The following TAP1 variants were observed in gnomAD, a reference collection of about 807,000 sequenced individuals.
TAP1 encodes the protein transporter 1, ATP binding cassette subfamily B member, also known as antigen peptide transporter 1.
Under a neutral mutation model 79.3 loss-of-function variants are expected in TAP1, and 56 were observed. That is an observed-to-expected ratio of 0.71 (90% CI 0.57 to 0.88). TAP1 has a LOEUF of 0.88. TAP1 is among the 40% of genes least tolerant of loss of function. The pLI, the probability that TAP1 is intolerant of heterozygous loss-of-function variation, is 0.00. For missense variants in TAP1, 737 were observed against 936.3 expected (o/e 0.79, Z 2.78); for synonymous variants, 355 against 401.4 (o/e 0.88, Z 1.38).
At chr6:32,849,880 A>C (rs1181616368) in intron 5 of TAP1, 2 of 217,956 alleles carry the variant, frequency 9.2e-6, no homozygotes, top group Non-Finnish European at 1.9e-5. Context: ...TCAAGCCAGG[A>C]TCTTCGGATC....
intron 10 of TAP1, 76 bp downstream of exon 10, chr6:32,846,992 T>C (rs1770461825): frequency 6.3e-7 from 1 of 1,594,612 alleles, no homozygotes; most frequent in Non-Finnish European, 8.5e-7. Context: ...ATTATGATGT[T>C]AGTAAAACTA....
chr6:32,849,216 T>C lies in TAP1; in HGVS notation c.1249-98A>G. On this transcript the variant is annotated intron_variant, in intron 5 of 10. Transcript: ENST00000354258. ...ACCTGAAGGAAATATCAAGTCCCTG[T>C]CTCCTAAGTGACATCGGCAGGCTCA... is the stretch of plus-strand genomic sequence containing the variant. 2.0e-6 allele frequency: 3 copies of C among 1,478,916 alleles called. No individual in the cohort carries two copies. In the South Asian group the frequency reaches 3.6e-5, roughly 18 times the overall value. 91.6% of individuals were successfully genotyped at this position (1,478,916 alleles called of 1,614,324 possible).
Position 32,851,148 on chromosome 6 carries a change from AC to A in TAP1, c.845del (p.Gly282ValfsTer7). 1.9e-6 allele frequency: 3 copies of A among 1,612,854 alleles called. No individual in the cohort carries two copies. The highest frequency in any genetic ancestry group is 2.2e-5 in the East Asian group (1 of 44,880). ...CCTCTGTTACCCGAGACATGATGTT[AC>A]CTGCAGGGTTGGGGAGAAGAGAGTG... ...ETEFFQQNQTGNIMSRVTEDT... is the reference protein window; with the variant it reads ...ETEFFQQNQTXNIMSRVTEDT... On this transcript the variant is annotated frameshift_variant and splice_region_variant, in exon 4 of 11. Transcript: ENST00000354258. LOFTEE classifies it high-confidence loss of function. This position sits in a 1 kb window ranked among gnomAD's most constrained non-coding sequence, Gnocchi z 4.8.
Position 32,853,652 on chromosome 6 carries a change from G to A in TAP1, c.-16C>T. 6.2e-7 allele frequency: 1 copy of A among 1,603,804 alleles called. No homozygotes were observed. Among genetic ancestry groups the A allele is most frequent in the Non-Finnish European group, 8.5e-7 (1 of 1,176,748 alleles). ...AGCTAGCCATTGGCACTCGGACGCC[G>A]TCCCGGTCCCGGCCGGGCCTGGGAC... On this transcript the variant is annotated 5_prime_UTR_variant, in exon 1 of 11. In the 5' UTR this introduces an upstream ATG that the reference lacks. Coordinates refer to ENST00000354258, the MANE Select transcript of TAP1 (RefSeq NM_000593.6). The surrounding 1 kb of genome is among the most constrained non-coding windows in gnomAD (Gnocchi z 8.3).
chr6:32,847,331 G>C lies in TAP1; in HGVS notation c.1904-127C>G, dbSNP rs1389396892. ...AGATCTGACGGTTGTAGCTGGATAG[G>C]GGAGATTCTGGGAAGATGAACAGAA... On this transcript the variant is annotated intron_variant, in intron 9 of 10. Coordinates refer to ENST00000354258, the MANE Select transcript of TAP1 (RefSeq NM_000593.6). This position sits in a 1 kb window ranked among gnomAD's most constrained non-coding sequence, Gnocchi z 4.7. The C allele has an allele frequency of 4.0e-6, 6 of 1,503,372 alleles. No individual in the cohort carries two copies. Among genetic ancestry groups the C allele is most frequent in the Non-Finnish European group, 5.5e-6 (6 of 1,096,102 alleles). 93.1% of individuals were successfully genotyped at this position (1,503,372 alleles called of 1,614,324 possible).
At chr6:32,848,392 C>T (rs1007400006) in intron 7 of TAP1, among the ~76,000 whole-genome samples, 7 of 152,180 alleles carry the variant, frequency 4.6e-5, no homozygotes, top group African/African-American at 1.4e-4. Context: ...GATGGAAGAC[C>T]GAAGACACAG....
Position 32,850,310 on chromosome 6 carries a change from A to C in TAP1, c.1248+10T>G, listed in dbSNP as rs372049149. ...GACAAGGGAATGGGTATTCATCTTC[A>C]GGTGCTCACACTAGTGGTCCAGGAG... On this transcript the variant is annotated intron_variant, in intron 5 of 10. Transcript: ENST00000354258. The surrounding 1 kb of genome is among the most constrained non-coding windows in gnomAD (Gnocchi z 5.5). The C allele has an allele frequency of 3.1e-6, 5 of 1,613,832 alleles. No individual in the cohort carries two copies. Among genetic ancestry groups the C allele is most frequent in the Non-Finnish European group, 4.2e-6 (5 of 1,179,766 alleles).
At position 32,847,803 on chromosome 6, in the gene TAP1, C is replaced by A. The variant is rs1257473562; in HGVS notation, c.1740+116G>T. The A allele has an allele frequency of 6.4e-7, 1 of 1,563,982 alleles. No individual in the cohort carries two copies. Among genetic ancestry groups the A allele is most frequent in the Non-Finnish European group, 8.8e-7 (1 of 1,136,872 alleles). On this transcript the variant is annotated intron_variant, in intron 8 of 10. Coordinates refer to ENST00000354258, the MANE Select transcript of TAP1 (RefSeq NM_000593.6). The surrounding 1 kb of genome is among the most constrained non-coding windows in gnomAD (Gnocchi z 4.7). Reference sequence around the variant, plus strand: ...CATACTACCTCCCTCCTGACTACACCACCATCTCCACCCAAGGTCTCTTAT... The same window carrying A: ...CATACTACCTCCCTCCTGACTACACAACCATCTCCACCCAAGGTCTCTTAT...
chr6:32,852,312 T>C lies in TAP1; in HGVS notation c.714-73A>G. On this transcript the variant is annotated intron_variant, in intron 2 of 10. Transcript: ENST00000354258. The surrounding 1 kb of genome is among the most constrained non-coding windows in gnomAD (Gnocchi z 4.8). ...AGACTGAAGGTCCCAGGTATCCCCATATAAGTGCATTTCGGACAGCAGCCC... is the reference window on the plus strand; with the variant it reads ...AGACTGAAGGTCCCAGGTATCCCCACATAAGTGCATTTCGGACAGCAGCCC... 2.5e-6 allele frequency: 4 copies of C among 1,612,860 alleles called. No homozygotes were observed. Among genetic ancestry groups the C allele is most frequent in the South Asian group, 1.1e-5 (1 of 91,088 alleles).
chr6:32,850,170 G>T lies in TAP1; in HGVS notation c.1248+150C>A, dbSNP rs1582636217. On this transcript the variant is annotated intron_variant, in intron 5 of 10. Transcript: ENST00000354258. This position sits in a 1 kb window ranked among gnomAD's most constrained non-coding sequence, Gnocchi z 5.5. ...AGAGGGAGGGGGCTAGGGACACTGAGTAGAGTCATTGAGCCTCAGGTTGCT... is the reference window on the plus strand; with the variant it reads ...AGAGGGAGGGGGCTAGGGACACTGATTAGAGTCATTGAGCCTCAGGTTGCT... 1 of 564,904 alleles carries T rather than the reference G, an allele frequency of 1.8e-6. No homozygotes were observed. The highest frequency in any genetic ancestry group is 2.7e-5 in the South Asian group (1 of 37,248). The allele number at this position is 564,904 out of a possible 1,614,324, so 35.0% of individuals were successfully genotyped here.
Position 32,847,839 on chromosome 6 carries a change from C to A in TAP1, c.1740+80G>T. 6.2e-7 allele frequency: 1 copy of A among 1,600,758 alleles called. No individual in the cohort carries two copies. Among genetic ancestry groups the A allele is most frequent in the South Asian group, 1.1e-5 (1 of 90,778 alleles). ...CCCAAGGTCTCTTATCATTCCCTAA[C>A]CCCTCTTTCAGAGTGCTCAGTAAGA... On this transcript the variant is annotated intron_variant, in intron 8 of 10. Transcript: ENST00000354258. The surrounding 1 kb of genome is among the most constrained non-coding windows in gnomAD (Gnocchi z 4.7).
chr6:32,849,667 C>T (rs4623282), intron 5 of TAP1: 29,131 of 175,716 alleles, frequency 0.17, 2,698 homozygotes, highest in African/African-American at 0.23. Context: ...GGGAGAACGG[C>T]GTGAACCCGG....
rs1770712502 is a variant in TAP1 at position 32,850,447 on chromosome 6, A to G, written c.1121T>C (p.Met374Thr). Residue 374 changes from methionine (M) to threonine (T), a missense_variant, in exon 5 of 11, where the codon ATG becomes ACG. Physicochemically the swap from Met to Thr is moderately conservative, Grantham distance 81 (BLOSUM62 -1). Around this residue, in one of 5 missense-constraint regions of TAP1, gnomAD observed 406 missense variants for 477.2 expected, o/e 0.85. Coordinates refer to ENST00000354258, the MANE Select transcript of TAP1 (RefSeq NM_000593.6). This position sits in a 1 kb window ranked among gnomAD's most constrained non-coding sequence, Gnocchi z 5.5. ...SQVAIEALSA[M>T]PTVRSFANEE... is the part of the protein sequence containing the mutation. ...GTTGGCAAAGCTTCGAACTGTAGGC[A>G]TGGCCGACAGAGCCTCAATGGCCAC... The G allele has an allele frequency of 2.5e-6, 4 of 1,614,234 alleles. No homozygotes were observed. Among genetic ancestry groups the G allele is most frequent in the Non-Finnish European group, 3.4e-6 (4 of 1,180,032 alleles).
At position 32,850,697 on chromosome 6, in the gene TAP1, G is replaced by T. The variant is rs1169592794; in HGVS notation, c.1051-180C>A. On this transcript the variant is annotated intron_variant, in intron 4 of 10. Transcript: ENST00000354258. This position sits in a 1 kb window ranked among gnomAD's most constrained non-coding sequence, Gnocchi z 5.5. ...ATACGAGGAAGAGGAAAATGACTCA[G>T]AACGGGTTGGGGATCAAATTCTTAA... 6.6e-6 allele frequency among the ~76,000 whole-genome samples: 1 copy of T among 152,224 alleles called. No homozygotes were observed. The highest frequency in any genetic ancestry group is 2.4e-5 in the African/African-American group (1 of 41,462).
Position 32,851,000 on chromosome 6 carries a change from G to A in TAP1, c.994C>T (p.Leu332=). The change falls in exon 4 of 11, where the codon CTG becomes TTG. Residue 332 remains leucine (L), a synonymous_variant. Transcript: ENST00000354258. This position sits in a 1 kb window ranked among gnomAD's most constrained non-coding sequence, Gnocchi z 5.5. The part of the protein sequence containing the change: ...WGSVSLTMVT[L]ITLPLLFLLP... ...AGGAAAAGCAGAGGCAGGGTGATCA[G>A]GGTGACCATGGTGAGGGACACTGAT... The A allele has an allele frequency of 6.2e-7, 1 of 1,612,960 alleles. No individual in the cohort carries two copies.
In TAP1 at chr6:32,853,338, G is replaced by C; in HGVS notation, c.299C>G (p.Ala100Gly). The C allele has an allele frequency of 1.3e-6, 2 of 1,583,292 alleles. No individual in the cohort carries two copies. Among genetic ancestry groups the C allele is most frequent in the Non-Finnish European group, 1.7e-6 (2 of 1,164,428 alleles). ...QGWLAALKPL[A>G]AALGLALPGL... ...CGGCAGGGCCAAGCCCAGTGCCGCA[G>C]CTAATGGCTTCAAAGCAGCCAGCCA... Residue 100 changes from alanine (A) to glycine (G), a missense_variant, in exon 1 of 11, where the codon GCT becomes GGT. Around this residue, in one of 5 missense-constraint regions of TAP1, gnomAD observed 406 missense variants for 477.2 expected, o/e 0.85. Transcript: ENST00000354258. This position sits in a 1 kb window ranked among gnomAD's most constrained non-coding sequence, Gnocchi z 8.3.
At position 32,845,720 on chromosome 6, in the gene TAP1, G is replaced by C; in HGVS notation, c.2106C>G (p.His702Gln). Residue 702 changes from histidine (H) to glutamine (Q), a missense_variant, in exon 11 of 11, where the codon CAC becomes CAG. Coordinates refer to ENST00000354258, the MANE Select transcript of TAP1 (RefSeq NM_000593.6). This position sits in a 1 kb window ranked among gnomAD's most constrained non-coding sequence, Gnocchi z 4.5. ...GGTCAGCCTGCTCCACCAGGCTGAG[G>C]TGCTGGGTGATGAGAAGCACTGAGC... is the stretch of plus-strand genomic sequence containing the variant. ...YSRSVLLITQ[H>Q]LSLVEQADHI... is the part of the protein sequence containing the mutation. The C allele has an allele frequency of 1.2e-6, 2 of 1,613,084 alleles. No homozygotes were observed. Among genetic ancestry groups the C allele is most frequent in the Non-Finnish European group, 8.5e-7 (1 of 1,180,038 alleles).
Position 32,851,898 on chromosome 6 carries a change from G to A in TAP1, c.844+211C>T, listed in dbSNP as rs1183828061. ...TGCTCCTGAGGTATATCAAGAATGA[G>A]AAAAACAATTGTGTGTGTGTGTGTG... On this transcript the variant is annotated intron_variant, in intron 3 of 10. Coordinates refer to ENST00000354258, the MANE Select transcript of TAP1 (RefSeq NM_000593.6). The surrounding 1 kb of genome is among the most constrained non-coding windows in gnomAD (Gnocchi z 4.8). Among the ~76,000 whole-genome samples the A allele has an allele frequency of 6.7e-6, 1 of 149,336 alleles. No individual in the cohort carries two copies. Among genetic ancestry groups the A allele is most frequent in the Admixed American group, 6.7e-5 (1 of 14,938 alleles).
chr6:32,848,272 G>A (rs148947703), intron 7 of TAP1, 180 bp from the exon 8 acceptor site: 18,528 of 806,220 alleles, frequency 0.023, 272 homozygotes, highest in Non-Finnish European at 0.029. Flanking sequence ...AGAGATAGAA[G>A]AAGCGGCAAA....
Sources: gnomAD v4.1 joint callset for allele counts (sites outside exome capture counted in the v4.1 genomes callset) on GRCh38, gnomAD v4.1.1 for gene constraint, gnomAD v4.1.1 regional missense constraint, Gnocchi (gnomAD v3.1) non-coding constraint, MANE v1.5 for transcripts, NCBI Gene and HGNC (gene_info 2026-07-23, HGNC 2026-07-21) for gene names.